FAM81A: variants seen among roughly 807,000 people sequenced by gnomAD.
FAM81A encodes the protein protein FAM81A.
Under a neutral mutation model 46.7 loss-of-function variants are expected in FAM81A, and 19 were observed. The observed-to-expected ratio is 0.41, with a 90% CI of 0.28 to 0.60. The LOEUF (loss-of-function observed/expected upper bound fraction) is 0.60, where lower values mean the gene tolerates loss of function less well. Ranked by LOEUF, FAM81A falls within the 20% of genes least tolerant of loss-of-function variation. The pLI is 0.34. For synonymous variants in FAM81A, 183 were observed against 152.9 expected (o/e 1.20, Z -1.45); for missense variants, 377 against 453.5 (o/e 0.83, Z 1.53).
intron 2 of FAM81A, among the ~76,000 whole-genome samples, chr15:59,431,639 A>G (rs1475342550): frequency 6.6e-6 from 1 of 150,658 alleles, no homozygotes; most frequent in Non-Finnish European, 1.5e-5. Context: ...AGCTGGGATT[A>G]TGGGCACCTG....
intron 1 of FAM81A, among the ~76,000 whole-genome samples, chr15:59,453,729 G>T (rs2081447554): frequency 6.6e-6 from 1 of 151,078 alleles, no homozygotes; most frequent in African/African-American, 2.4e-5. Context: ...CAATGGTGGG[G>T]AAAGCAAAAA....
intron 2 of FAM81A, among the ~76,000 whole-genome samples, chr15:59,405,051 T>C (rs1182557167): frequency 6.6e-6 from 1 of 152,216 alleles, no homozygotes; most frequent in Non-Finnish European, 1.5e-5. Context: ...TGCTCTTTCT[T>C]CCAAGCTTTG....
chr15:59,436,303 T>C (rs1225141839), upstream of FAM81A, among the ~76,000 whole-genome samples: 2 of 152,056 alleles, frequency 1.3e-5, no homozygotes, highest in Admixed American at 6.6e-5. Context: ...CTCTGTTTTA[T>C]AGGTGTTCCA....
intron 3 of FAM81A, among the ~76,000 whole-genome samples, chr15:59,469,508 T>C (rs2081657132): frequency 6.6e-6 from 1 of 151,976 alleles, no homozygotes; most frequent in African/African-American, 2.4e-5. Flanking sequence ...TTAAAGTCTG[T>C]TTTATCAGAG....
At chr15:59,461,350 A>G (rs555234134) in intron 3 of FAM81A, among the ~76,000 whole-genome samples, 1 of 152,048 alleles carries the variant, frequency 6.6e-6, no homozygotes, top group South Asian at 2.1e-4. Flanking sequence ...CAGTTGTGCA[A>G]TCATGGCTCA....
At chr15:59,414,160 G>C (rs1307658264) in intron 2 of FAM81A, among the ~76,000 whole-genome samples, 1 of 152,078 alleles carries the variant, frequency 6.6e-6, no homozygotes, top group African/African-American at 2.4e-5. Context: ...CACCATGTTG[G>C]CCAGGCTCAT....
At chr15:59,516,576 T>G (rs2082269215) in intron 7 of FAM81A, 69 bp from the exon 8 acceptor site, 1 of 1,476,814 alleles carries the variant, frequency 6.8e-7, no homozygotes, top group South Asian at 1.2e-5. Context: ...AACGATATTA[T>G]GGCTGATGTG....
At chr15:59,417,498 G>C (rs1335484245) in intron 2 of FAM81A, among the ~76,000 whole-genome samples, 1 of 151,612 alleles carries the variant, frequency 6.6e-6, no homozygotes, top group Non-Finnish European at 1.5e-5. Flanking sequence ...TTGAGGTCAG[G>C]AGTTCGAGAC....
intron 1 of FAM81A, chr15:59,401,351 C>T: frequency 2.5e-6 from 2 of 789,264 alleles, no homozygotes; most frequent in Admixed American, 1.7e-5. Context: ...CATGGCAGTA[C>T]CTTTGGTAAT....
chr15:59,410,249 T>C (rs1202267916), intron 2 of FAM81A, among the ~76,000 whole-genome samples: 2 of 151,754 alleles, frequency 1.3e-5, no homozygotes, highest in African/African-American at 4.8e-5. Flanking sequence ...TGAGTTGAGA[T>C]TGCACCATTG....
chr15:59,501,917 T>C (rs960764734), intron 4 of FAM81A, among the ~76,000 whole-genome samples: 4 of 152,186 alleles, frequency 2.6e-5, no homozygotes, highest in African/African-American at 9.6e-5. Context: ...GGCTGTCTTT[T>C]ATGAGTTTTT....
chr15:59,441,943 C>T (rs1444644466), intron 1 of FAM81A, among the ~76,000 whole-genome samples: 3 of 152,214 alleles, frequency 2.0e-5, no homozygotes, highest in South Asian at 2.1e-4. Context: ...TGGGCGCCCT[C>T]GCCCACTTGT....
intron 2 of FAM81A, among the ~76,000 whole-genome samples, chr15:59,430,476 G>A (rs1349932419): frequency 1.3e-5 from 2 of 152,062 alleles, no homozygotes; most frequent in Admixed American, 1.3e-4. Context: ...GTGTTAGCCA[G>A]GCTGGTCTTG....
chr15:59,504,024 C>T (rs774844137), intron 4 of FAM81A, among the ~76,000 whole-genome samples: 22 of 152,122 alleles, frequency 1.4e-4, no homozygotes, highest in South Asian at 8.3e-4. Flanking sequence ...GTCCCTCAAA[C>T]GGCTTTGTAA....
At chr15:59,488,737 G>A (rs2081948661) in intron 3 of FAM81A, among the ~76,000 whole-genome samples, 1 of 152,130 alleles carries the variant, frequency 6.6e-6, no homozygotes, top group Admixed American at 6.6e-5. Context: ...AGCACTTTGG[G>A]AGGCCAAGGT....
intron 4 of FAM81A, among the ~76,000 whole-genome samples, chr15:59,498,775 C>A (rs1396377130): frequency 6.6e-6 from 1 of 152,208 alleles, no homozygotes; most frequent in African/African-American, 2.4e-5. Context: ...CTGCCTCAGC[C>A]TCCCGAGTAG....
intron 2 of FAM81A, among the ~76,000 whole-genome samples, chr15:59,423,957 G>T (rs1357125492): frequency 6.6e-6 from 1 of 151,884 alleles, no homozygotes; most frequent in Non-Finnish European, 1.5e-5. Context: ...TTTCTTTCTG[G>T]CTACCTTCCC....
chr15:59,485,696 A>G (rs1249003670), intron 3 of FAM81A, among the ~76,000 whole-genome samples: 2 of 152,254 alleles, frequency 1.3e-5, no homozygotes, highest in Admixed American at 1.3e-4. Context: ...CACAAGCATC[A>G]AGACCATCTA....
intron 1 of FAM81A, among the ~76,000 whole-genome samples, chr15:59,398,887 C>T (rs1391024469): frequency 2.0e-5 from 3 of 149,916 alleles, no homozygotes; most frequent in African/African-American, 2.5e-5. Flanking sequence ...AATCAGCTAT[C>T]GGCCAGGTAT....
Sources: allele counts gnomAD v4.1 joint callset (sites outside exome capture counted in the v4.1 genomes callset), GRCh38; gene constraint gnomAD v4.1.1; transcripts MANE v1.5; gene names NCBI Gene and HGNC (gene_info 2026-07-23, HGNC 2026-07-21).